NRXN3: variants seen among roughly 807,000 people sequenced by gnomAD.
NRXN3 encodes the protein neurexin III.
In NRXN3, 32 loss-of-function variants were observed where a neutral mutation model predicts 137.6. The observed-to-expected ratio is 0.23, with a 90% CI of 0.18 to 0.31. The LOEUF is 0.31. NRXN3 is among the 10% of genes least tolerant of loss of function. The pLI, the probability that NRXN3 is intolerant of heterozygous loss-of-function variation, is 1.00. For synonymous variants in NRXN3, 798 were observed against 784.5 expected, an observed-to-expected ratio of 1.02 and a Z score of -0.29; for missense variants, 1,574 against 2,062.5, an observed-to-expected ratio of 0.76 and a Z score of 4.59.
chr14:78,782,635 C>A (rs2098774079), intron 8 of NRXN3, among the ~76,000 whole-genome samples: 1 of 152,306 alleles, frequency 6.6e-6, no homozygotes, highest in Admixed American at 6.5e-5. Context: ...TTGTCTCTCT[C>A]ATTTGTTGTA....
At chr14:78,322,128 A>C (rs1206308799) in intron 4 of NRXN3, among the ~76,000 whole-genome samples, 1 of 151,914 alleles carries the variant, frequency 6.6e-6, no homozygotes, top group Non-Finnish European at 1.5e-5. Context: ...ATCCAAGCCA[A>C]AAAATTTTAT....
intron 15 of NRXN3, among the ~76,000 whole-genome samples, chr14:79,435,547 C>T (rs2095832006): frequency 6.7e-6 from 1 of 148,674 alleles, no homozygotes; most frequent in Non-Finnish European, 1.5e-5. Flanking sequence ...GCAATGAATA[C>T]CTCTTTCTTT....
chr14:78,952,160 C>T (rs1567802272), intron 10 of NRXN3, among the ~76,000 whole-genome samples: 1 of 152,074 alleles, frequency 6.6e-6, no homozygotes, highest in Admixed American at 6.6e-5. Context: ...GCCTTAAGTA[C>T]TCCAGTAAGA....
At chr14:78,986,231 G>A (rs2099503983) in intron 14 of NRXN3, among the ~76,000 whole-genome samples, 1 of 152,122 alleles carries the variant, frequency 6.6e-6, no homozygotes, top group Non-Finnish European at 1.5e-5. Flanking sequence ...CCTGTCAAGT[G>A]CTTTTATGCA....
chr14:78,727,832 T>C (rs2098493566), intron 8 of NRXN3, among the ~76,000 whole-genome samples: 1 of 152,192 alleles, frequency 6.6e-6, no homozygotes, highest in African/African-American at 2.4e-5. Flanking sequence ...TTAAGTCACA[T>C]ATCTCAAAAG....
intron 1 of NRXN3, among the ~76,000 whole-genome samples, chr14:78,211,240 C>G (rs994998315): frequency 6.6e-6 from 1 of 152,220 alleles, no homozygotes; most frequent in African/African-American, 2.4e-5. Flanking sequence ...TCTGATTTCA[C>G]TCTTTGTCCT....
intron 20 of NRXN3, among the ~76,000 whole-genome samples, chr14:79,855,656 T>G (rs970971251): frequency 1.3e-5 from 2 of 152,128 alleles, no homozygotes; most frequent in African/African-American, 4.8e-5. Context: ...ATACTTCTAC[T>G]TTAGCATGAA....
chr14:79,166,984 G>A (rs2153081784), intron 15 of NRXN3, among the ~76,000 whole-genome samples: 1 of 152,116 alleles, frequency 6.6e-6, no homozygotes, highest in Middle Eastern at 3.4e-3. Flanking sequence ...ATTTATCACT[G>A]TTAGTGGTGT....
rs11419735 is a variant in NRXN3 at position 79,590,416 on chromosome 14, T to TAAAAAAAAAAA, written c.3445-73350_3445-73340dup. Among the ~76,000 whole-genome samples the TAAAAAAAAAAA allele has an allele frequency of 3.6e-4, 33 of 92,266 alleles. 1 individual carries two copies. Among genetic ancestry groups the TAAAAAAAAAAA allele is most frequent in the African/African-American group, 1.4e-3 (24 of 17,746 alleles). The allele number at this position is 92,266 out of a possible 152,430, so 60.5% of individuals were successfully genotyped here. On this transcript the variant is annotated intron_variant, in intron 16 of 20. Coordinates refer to ENST00000335750, the MANE Select transcript of NRXN3 (RefSeq NM_001330195.2). ...TCCATTAAACCTTTCTTTCTTTTGT[T>TAAAAAAAAAAA]AAAAAAAAAAAAAAAAAAAAAAGAT...
intron 16 of NRXN3, among the ~76,000 whole-genome samples, chr14:79,590,009 T>C (rs1223569013): frequency 1.3e-5 from 2 of 152,100 alleles, no homozygotes; most frequent in Non-Finnish European, 2.9e-5. Flanking sequence ...ATAAGCCCAT[T>C]TTTCTTTTGC....
intron 15 of NRXN3, among the ~76,000 whole-genome samples, chr14:79,446,020 A>G (rs2096058409): frequency 6.6e-6 from 1 of 152,182 alleles, no homozygotes; most frequent in South Asian, 2.1e-4. Flanking sequence ...ATGAAAGTTC[A>G]CTATATGCCA....
At chr14:78,863,518 G>T (rs1261166283) in intron 10 of NRXN3, among the ~76,000 whole-genome samples, 2 of 151,834 alleles carry the variant, frequency 1.3e-5, no homozygotes, top group Non-Finnish European at 2.9e-5. Flanking sequence ...CCCGACCCTT[G>T]CTATGCCCTA....
At chr14:79,189,833 C>A (rs1449111980) in intron 15 of NRXN3, among the ~76,000 whole-genome samples, 2 of 152,068 alleles carry the variant, frequency 1.3e-5, no homozygotes, top group Non-Finnish European at 2.9e-5. Context: ...TTCACAGTAA[C>A]AATAAAAACA....
chr14:78,607,499 G>GTA (rs1291597838), intron 4 of NRXN3, among the ~76,000 whole-genome samples: 7 of 151,772 alleles, frequency 4.6e-5, no homozygotes, highest in African/African-American at 1.7e-4. Context: ...GCCCAGCTAT[G>GTA]AGTCTGGAAG....
intron 4 of NRXN3, among the ~76,000 whole-genome samples, chr14:78,589,424 C>T (rs534657487): frequency 5.4e-4 from 82 of 152,302 alleles, no homozygotes; most frequent in African/African-American, 1.9e-3. Flanking sequence ...GAAGGGCTAA[C>T]CCGGTTCATT....
chr14:79,780,643 T>C (rs1414115306), intron 19 of NRXN3, among the ~76,000 whole-genome samples: 1 of 152,128 alleles, frequency 6.6e-6, no homozygotes, highest in Non-Finnish European at 1.5e-5. Context: ...ACCTTGAATA[T>C]TGAGATGGGT....
At chr14:78,640,462 A>T (rs1181484122) in intron 4 of NRXN3, among the ~76,000 whole-genome samples, 1 of 152,176 alleles carries the variant, frequency 6.6e-6, no homozygotes. Context: ...AAACAGTTGC[A>T]TGCATTTTCC....
chr14:79,332,425 T>C (rs770572985), intron 15 of NRXN3, among the ~76,000 whole-genome samples: 7 of 152,212 alleles, frequency 4.6e-5, no homozygotes, highest in South Asian at 2.1e-4. Context: ...CAATACGTCC[T>C]GCGCTGTCGA....
intron 15 of NRXN3, among the ~76,000 whole-genome samples, chr14:79,034,569 A>G (rs1052428627): frequency 6.6e-6 from 1 of 152,134 alleles, no homozygotes; most frequent in African/African-American, 2.4e-5. Flanking sequence ...CAAATGAGAA[A>G]GACTGAAAGC....
Sources: allele counts gnomAD v4.1 joint callset (sites outside exome capture counted in the v4.1 genomes callset), GRCh38; gene constraint gnomAD v4.1.1; transcripts MANE v1.5; gene names NCBI Gene and HGNC (gene_info 2026-07-23, HGNC 2026-07-21).